Variants in DOCK9 observed in about 807,000 individuals in gnomAD.
DOCK9 encodes dedicator of cytokinesis protein 9.
A neutral mutation model predicts 263.3 loss-of-function variants in DOCK9; 89 were observed. The observed-to-expected ratio is 0.34, with a 90% CI of 0.28 to 0.40. The LOEUF (loss-of-function observed/expected upper bound fraction) is 0.40, where lower values mean the gene tolerates loss of function less well. Ranked by LOEUF, DOCK9 falls within the 10% of genes least tolerant of loss-of-function variation. The probability of loss-of-function intolerance (pLI) is 1.00; values close to 1 mark genes in which losing one functional copy is unlikely to be tolerated. For synonymous variants in DOCK9, 976 were observed against 973.1 expected, an observed-to-expected ratio of 1.00 and a Z score of -0.06; for missense variants, 2,140 against 2,603.4, an observed-to-expected ratio of 0.82 and a Z score of 3.87.
At chr13:99,062,951 A>C (rs2041257191) in intron 1 of DOCK9, among the ~76,000 whole-genome samples, 1 of 152,162 alleles carries the variant, frequency 6.6e-6, no homozygotes, top group East Asian at 1.9e-4. Context: ...TGCGGGTGTT[A>C]CCATTTGCTG....
In DOCK9 at chr13:98,931,853, C is replaced by T. The variant is rs1224174206; in HGVS notation, c.244-1596G>A. On this transcript the variant is annotated intron_variant, in intron 2 of 52. Transcript: ENST00000682017. ...ACTCAAGCAATCCACCTGCCTCACA[C>T]TCCCAAAGCACTAGGATTACAGGTG... 2.0e-5 allele frequency among the ~76,000 whole-genome samples: 3 copies of T among 150,256 alleles called. No individual in the cohort carries two copies. The East Asian group carries it at 5.9e-4, about 30-fold the overall frequency.
intron 43 of DOCK9, among the ~76,000 whole-genome samples, chr13:98,828,234 G>T (rs2092621898): frequency 6.6e-6 from 1 of 152,208 alleles, no homozygotes; most frequent in Admixed American, 6.5e-5. Context: ...ACTGTGAGAG[G>T]ATACATTTCT....
At chr13:98,811,928 C>T (rs1270470508) in intron 45 of DOCK9, among the ~76,000 whole-genome samples, 1 of 152,038 alleles carries the variant, frequency 6.6e-6, no homozygotes, top group Non-Finnish European at 1.5e-5. Context: ...GGGTTATTTT[C>T]TAATGAAGTA....
At chr13:98,999,420 C>T (rs1881838887) in intron 1 of DOCK9, among the ~76,000 whole-genome samples, 1 of 152,092 alleles carries the variant, frequency 6.6e-6, no homozygotes, top group African/African-American at 2.4e-5. Flanking sequence ...CTTTTAAAAT[C>T]TCATTTCCTA....
chr13:98,995,650 G>A lies in DOCK9; in HGVS notation c.130-40099C>T, dbSNP rs371959300. On this transcript the variant is annotated intron_variant, in intron 1 of 32. Transcript: ENST00000427887. Reference sequence around the variant, plus strand: ...ACTACAGGCACCTGCCACCACGCCCGGCTAATTTTTTGTATTTTCAGTAGA... The same window carrying A: ...ACTACAGGCACCTGCCACCACGCCCAGCTAATTTTTTGTATTTTCAGTAGA... 1.1e-3 allele frequency among the ~76,000 whole-genome samples: 160 copies of A among 151,888 alleles called. 2 individuals carry two copies. The highest frequency in any genetic ancestry group is 3.6e-3 in the African/African-American group (150 of 41,414).
At chr13:98,888,803 A>C in intron 15 of DOCK9, 92 bp from the exon 16 acceptor site, 1 of 1,094,514 alleles carries the variant, frequency 9.1e-7, no homozygotes, top group Non-Finnish European at 1.3e-6. Context: ...ATATAAAGCA[A>C]GCCATAAAGA....
At chr13:98,981,989 C>T (rs148094086), upstream of DOCK9, among the ~76,000 whole-genome samples, 145 of 152,326 alleles carry the variant, frequency 9.5e-4, 2 homozygotes, top group African/African-American at 3.4e-3. Flanking sequence ...ATCTACTAAC[C>T]TTGAGTTCCT....
chr13:98,815,400 T>C (rs1355326516), intron 45 of DOCK9, among the ~76,000 whole-genome samples: 1 of 152,250 alleles, frequency 6.6e-6, no homozygotes, highest in African/African-American at 2.4e-5. Context: ...TTAGGTTTAC[T>C]TACAGACTAA....
intron 18 of DOCK9, among the ~76,000 whole-genome samples, chr13:98,887,155 T>A (rs1229635926): frequency 0.023 from 815 of 35,198 alleles, 1 homozygote; most frequent in South Asian, 0.049. Flanking sequence ...TTTTTTTTTT[T>A]TTTTTTTTTT....
chr13:98,935,998 C>A (rs1221891306), intron 2 of DOCK9, among the ~76,000 whole-genome samples: 1 of 152,074 alleles, frequency 6.6e-6, no homozygotes, highest in Non-Finnish European at 1.5e-5. Context: ...AATGCACAGC[C>A]GGTGTAGTAT....
At chr13:98,940,487 C>CAGAA (rs1239756429) in intron 2 of DOCK9, among the ~76,000 whole-genome samples, 1 of 152,124 alleles carries the variant, frequency 6.6e-6, no homozygotes, top group Non-Finnish European at 1.5e-5. Flanking sequence ...CAGCCTTGAC[C>CAGAA]TTCTAGGCTC....
In DOCK9 at chr13:98,794,632, G is replaced by A. The variant is rs1432601115; in HGVS notation, c.6273C>T (p.Val2091=). ...CACGGGCCATGAGATGTAATCACACGACCGAAGACGAGCTGGTCATCCCGT... is the reference window on the plus strand; with the variant it reads ...CACGGGCCATGAGATGTAATCACACAACCGAAGACGAGCTGGTCATCCCGT... ...MVHGMTSSSS[V]V is the part of the protein sequence containing the mutation. The change falls in exon 53 of 53, where the codon GTC becomes GTT. Residue 2091 remains valine (V), a synonymous_variant. Coordinates refer to ENST00000682017, the MANE Select transcript of DOCK9 (RefSeq NM_001366683.2). 5.6e-6 allele frequency: 9 copies of A among 1,594,962 alleles called. No homozygotes were observed. The highest frequency in any genetic ancestry group is 2.3e-5 in the South Asian group (2 of 87,864).
chr13:98,906,952 C>T (rs184486932), intron 9 of DOCK9, among the ~76,000 whole-genome samples: 11 of 152,204 alleles, frequency 7.2e-5, no homozygotes, highest in Admixed American at 6.5e-4. Context: ...TTGATGCTAT[C>T]GATGGGAGCC....
At chr13:98,903,596 C>A (rs1471841926) in intron 10 of DOCK9, among the ~76,000 whole-genome samples, 4 of 65,762 alleles carry the variant, frequency 6.1e-5, no homozygotes, top group Non-Finnish European at 1.1e-4. Context: ...CAAGACTCTG[C>A]CTCAAAAAAA....
intron 7 of DOCK9, 143 bp from the exon 8 acceptor site, chr13:98,915,646 G>T: frequency 1.6e-6 from 1 of 614,948 alleles, no homozygotes. Context: ...CCTCATGAAA[G>T]CCCCCCCCCA....
Position 98,800,338 on chromosome 13 carries a change from C to A in DOCK9, c.5866G>T (p.Val1956Leu). The A allele has an allele frequency of 1.2e-6, 2 of 1,612,106 alleles. No homozygotes were observed. The highest frequency in any genetic ancestry group is 1.7e-6 in the Non-Finnish European group (2 of 1,179,118). Reference sequence around the variant, plus strand: ...TTGAGCTGCAGTTTGATCATGTCCACCTCGGCCGAGGAGCACAGCTGCCGG... The same window carrying A: ...TTGAGCTGCAGTTTGATCATGTCCAACTCGGCCGAGGAGCACAGCTGCCGG... Reference protein sequence around the residue: ...ELRQLCSSAEVDMIKLQLKLQ... With the variant: ...ELRQLCSSAELDMIKLQLKLQ... Residue 1956 changes from valine to leucine, a missense_variant, in exon 50 of 53, where the codon GTG becomes TTG. Coordinates refer to ENST00000682017, the MANE Select transcript of DOCK9 (RefSeq NM_001366683.2).
chr13:99,088,051 G>C (rs2042388256), upstream of DOCK9: 1 of 152,302 alleles, frequency 6.6e-6, no homozygotes, highest in Non-Finnish European at 1.5e-5. Context: ...CTAGCGCAGA[G>C]AGCAAAACAC....
At chr13:99,081,684 T>C (rs1392423234) in intron 1 of DOCK9, among the ~76,000 whole-genome samples, 3 of 152,228 alleles carry the variant, frequency 2.0e-5, no homozygotes, top group Non-Finnish European at 4.4e-5. Context: ...TATGATGCCA[T>C]CTTTAATACA....
intron 1 of DOCK9, among the ~76,000 whole-genome samples, chr13:99,052,460 C>T (rs143634392): frequency 3.3e-5 from 5 of 152,290 alleles, no homozygotes; most frequent in African/African-American, 1.2e-4. Context: ...TCCAAGGGTT[C>T]CATGGTGTGA....
Sources: allele counts gnomAD v4.1 joint callset (sites outside exome capture counted in the v4.1 genomes callset), GRCh38; gene constraint gnomAD v4.1.1; transcripts MANE v1.5; gene names NCBI Gene and HGNC (gene_info 2026-07-23, HGNC 2026-07-21).